The following SMAD3 variants were observed in gnomAD, a reference collection of about 807,000 sequenced individuals.
SMAD3 encodes MAD homolog 3.
In SMAD3, 12 loss-of-function variants were observed where a neutral mutation model predicts 51.8. The observed-to-expected ratio is 0.23, with a 90% CI of 0.15 to 0.38. The LOEUF is 0.38. Among genes scored for constraint, SMAD3 ranks in the 10% least tolerant of loss-of-function variants. The probability of loss-of-function intolerance (pLI) is 1.00; values close to 1 mark genes in which losing one functional copy is unlikely to be tolerated. For missense variants in SMAD3, 294 were observed against 565.6 expected (o/e 0.52, Z 4.87); for synonymous variants, 238 against 227.7 (o/e 1.05, Z -0.41).
chr15:67,170,295 ATC>A (rs1311900856), intron 4 of SMAD3, among the ~76,000 whole-genome samples: 4 of 152,220 alleles, frequency 2.6e-5, no homozygotes. Context: ...TCATAAAACT[ATC>A]TGAGACCTCT....
chr15:67,178,604 G>A (rs1173777318), intron 5 of SMAD3, among the ~76,000 whole-genome samples: 5 of 152,030 alleles, frequency 3.3e-5, no homozygotes, highest in Admixed American at 2.6e-4. Flanking sequence ...CAGAGCCTGC[G>A]CTTGGGCAGT....
At chr15:67,149,464 C>T (rs895042261) in intron 1 of SMAD3, among the ~76,000 whole-genome samples, 1 of 152,128 alleles carries the variant, frequency 6.6e-6, no homozygotes, top group African/African-American at 2.4e-5. Flanking sequence ...TTTAGGGATG[C>T]AGCTTTCAGA....
chr15:67,158,130 A>G (rs1962333365), intron 1 of SMAD3, among the ~76,000 whole-genome samples: 2 of 152,176 alleles, frequency 1.3e-5, no homozygotes, highest in Non-Finnish European at 2.9e-5. Flanking sequence ...ATTTTCTGCA[A>G]CCAAGTATAT....
At chr15:67,184,100 CCTTT>C (rs1215844869) in intron 6 of SMAD3, among the ~76,000 whole-genome samples, 2 of 150,874 alleles carry the variant, frequency 1.3e-5, no homozygotes, top group African/African-American at 4.9e-5. Context: ...ATCATCATTC[CCTTT>C]TTTTTTTTTT....
intron 5 of SMAD3, among the ~76,000 whole-genome samples, chr15:67,173,596 C>T (rs1280133965): frequency 1.3e-5 from 2 of 152,158 alleles, no homozygotes; most frequent in African/African-American, 4.8e-5. Context: ...CCCTGAGTGT[C>T]TGCTTAGCGC....
At chr15:67,178,752 GGAATGTTGAAGC>G (rs1348947851) in intron 5 of SMAD3, among the ~76,000 whole-genome samples, 1 of 151,946 alleles carries the variant, frequency 6.6e-6, no homozygotes. Flanking sequence ...TTATCTCATT[GGAATGTTGAAGC>G]ATCAAGCAAA....
chr15:67,185,345 C>T (rs899331779), intron 7 of SMAD3, among the ~76,000 whole-genome samples: 11 of 152,124 alleles, frequency 7.2e-5, no homozygotes, highest in African/African-American at 2.7e-4. Flanking sequence ...GCCCATTTAG[C>T]TGTTGGGATG....
chr15:67,068,658 T>C (rs181692906), intron 1 of SMAD3, among the ~76,000 whole-genome samples: 2 of 152,320 alleles, frequency 1.3e-5, no homozygotes, highest in East Asian at 3.9e-4. Context: ...ATCTTTTTTT[T>C]CAGTTAGGGA....
At chr15:67,171,027 G>T (rs1962737713) in intron 5 of SMAD3, among the ~76,000 whole-genome samples, 1 of 152,148 alleles carries the variant, frequency 6.6e-6, no homozygotes, top group Admixed American at 6.5e-5. Context: ...TTATAATTGT[G>T]TAATTTTTCT....
At chr15:67,142,698 C>T in intron 1 of SMAD3, 1 of 313,074 alleles carries the variant, frequency 3.2e-6, no homozygotes, top group Non-Finnish European at 6.5e-6. Context: ...ACGGCAGAGG[C>T]TGCTGGCATC....
intron 1 of SMAD3, among the ~76,000 whole-genome samples, chr15:67,074,596 T>C (rs573194871): frequency 6.6e-6 from 1 of 152,380 alleles, no homozygotes; most frequent in South Asian, 2.1e-4. Context: ...TCTCCCAGCT[T>C]ACATCTGGCA....
intron 5 of SMAD3, among the ~76,000 whole-genome samples, chr15:67,178,925 G>A (rs1177267148): frequency 6.6e-6 from 1 of 152,112 alleles, no homozygotes; most frequent in East Asian, 1.9e-4. Context: ...CCCAGGAAGA[G>A]AGAAAACGAC....
chr15:67,140,688 G>T (rs1440720681), intron 1 of SMAD3, among the ~76,000 whole-genome samples: 1 of 152,188 alleles, frequency 6.6e-6, no homozygotes. Flanking sequence ...ACAAACGGGG[G>T]TTTGTGGTTG....
chr15:67,076,772 A>T (rs1362466813), intron 1 of SMAD3, among the ~76,000 whole-genome samples: 1 of 152,160 alleles, frequency 6.6e-6, no homozygotes, highest in Non-Finnish European at 1.5e-5. Flanking sequence ...AGTTCCCTGC[A>T]TCAGTGTCTT....
At chr15:67,121,499 G>A (rs7359174) in intron 1 of SMAD3, among the ~76,000 whole-genome samples, 24,138 of 152,206 alleles carry the variant, frequency 0.16, 2,353 homozygotes, top group East Asian at 0.46. Flanking sequence ...TGGCTGCCTG[G>A]GAGGACGGGA....
chr15:67,186,015 C>T (rs762614455), intron 7 of SMAD3, among the ~76,000 whole-genome samples: 8 of 152,262 alleles, frequency 5.3e-5, no homozygotes, highest in African/African-American at 9.6e-5. Flanking sequence ...GTTTCCAGAG[C>T]ATTTTGTGGT....
rs752196822 is a variant in SMAD3, at chr15:67,165,042, C to G, written c.354C>G (p.Asp118Glu). The change falls in exon 2 of 9, where the codon GAC becomes GAG. Residue 118 changes from aspartate to glutamate, a missense_variant. Physicochemically the swap from Asp to Glu is conservative, Grantham distance 45. Around this residue, in one of 3 missense-constraint regions of SMAD3, gnomAD observed 147 missense variants for 260.9 expected, o/e 0.56. Transcript: ENST00000327367. ...LCEFAFNMKK[D>E]EVCVNPYHYQ... ...AGTTCGCCTTCAATATGAAGAAGGACGAGGTCTGCGTGAATCCCTACCACT... is the reference window on the plus strand; with the variant it reads ...AGTTCGCCTTCAATATGAAGAAGGAGGAGGTCTGCGTGAATCCCTACCACT... 1 of 1,614,052 alleles carries G rather than the reference C, an allele frequency of 6.2e-7. No homozygotes were observed. The highest frequency in any genetic ancestry group is 8.5e-7 in the Non-Finnish European group (1 of 1,180,048).
intron 1 of SMAD3, among the ~76,000 whole-genome samples, chr15:67,073,994 T>C (rs1224253948): frequency 6.6e-6 from 1 of 152,170 alleles, no homozygotes; most frequent in African/African-American, 2.4e-5. Context: ...TTTTAAAAGC[T>C]CCCAGTTGCA....
At chr15:67,144,137 T>A (rs1961910068) in intron 1 of SMAD3, among the ~76,000 whole-genome samples, 1 of 152,226 alleles carries the variant, frequency 6.6e-6, no homozygotes, top group Admixed American at 6.5e-5. Context: ...CCTGCCTCTT[T>A]GCAATTTCAC....
Sources: allele counts gnomAD v4.1 joint callset (sites outside exome capture counted in the v4.1 genomes callset), GRCh38; gene constraint gnomAD v4.1.1; regional missense constraint gnomAD v4.1.1; transcripts MANE v1.5; gene names NCBI Gene and HGNC (gene_info 2026-07-23, HGNC 2026-07-21).